CPXM2: variants seen among roughly 807,000 people sequenced by gnomAD.
The protein encoded by CPXM2 is inactive carboxypeptidase-like protein X2.
CPXM2 carries 66 observed loss-of-function variants against 86.1 expected under a neutral mutation model. The observed-to-expected ratio is 0.77, with a 90% CI of 0.63 to 0.94. The LOEUF is 0.94. Ranked by LOEUF, CPXM2 falls within the 40% of genes least tolerant of loss-of-function variation. The probability of loss-of-function intolerance (pLI) is 0.00; values close to 1 mark genes in which losing one functional copy is unlikely to be tolerated. For missense variants in CPXM2, 948 were observed against 1,026.3 expected, an observed-to-expected ratio of 0.92 and a Z score of 1.04; for synonymous variants, 388 against 400.2, an observed-to-expected ratio of 0.97 and a Z score of 0.36.
intron 3 of CPXM2, among the ~76,000 whole-genome samples, chr10:123,849,048 G>A (rs1472069002): frequency 6.6e-6 from 1 of 152,074 alleles, no homozygotes; most frequent in African/African-American, 2.4e-5. Flanking sequence ...TTTCAGTTTT[G>A]TTCTATTAAT....
chr10:123,799,199 C>A lies in CPXM2; in HGVS notation c.654G>T (p.Leu218=). 6.2e-7 allele frequency: 1 copy of A among 1,613,964 alleles called. No individual in the cohort carries two copies. Among genetic ancestry groups the A allele is most frequent in the African/African-American group, 1.3e-5 (1 of 75,026 alleles). The change falls in exon 5 of 14, where the codon CTG becomes CTT. Residue 218 remains leucine (L), a splice_region_variant and synonymous_variant. Coordinates refer to ENST00000241305, the MANE Select transcript of CPXM2 (RefSeq NM_198148.3). ...CCTTATAGGATGTCACCCAGTCACT[C>A]CTATGAGAAAATAAAACATCATTAG... ...VITQGRNSLW[L]SDWVTSYKVM...
At chr10:123,785,345 C>T (rs113007232) in intron 6 of CPXM2, among the ~76,000 whole-genome samples, 9 of 152,156 alleles carry the variant, frequency 5.9e-5, no homozygotes, top group Non-Finnish European at 1.3e-4. Context: ...ATTTCCATGG[C>T]TCTCACTGCC....
chr10:123,828,953 A>G (rs1848103538), intron 4 of CPXM2, among the ~76,000 whole-genome samples: 1 of 152,242 alleles, frequency 6.6e-6, no homozygotes, highest in South Asian at 2.1e-4. Context: ...ACTGGGAGAA[A>G]ATATTTACAA....
chr10:123,794,770 C>CGTGT (rs1564772776), intron 6 of CPXM2, among the ~76,000 whole-genome samples: 3 of 132,710 alleles, frequency 2.3e-5, no homozygotes, highest in African/African-American at 8.4e-5. Context: ...TGTGTGTGTG[C>CGTGT]GCATGTGTGT....
intron 2 of CPXM2, among the ~76,000 whole-genome samples, chr10:123,870,303 A>G (rs1428214735): frequency 6.6e-6 from 1 of 152,220 alleles, no homozygotes; most frequent in Non-Finnish European, 1.5e-5. Flanking sequence ...GTTTGGGGTC[A>G]CACCAGGAAA....
chr10:123,943,436 G>A (rs945612100), upstream of CPXM2, among the ~76,000 whole-genome samples: 1 of 152,204 alleles, frequency 6.6e-6, no homozygotes, highest in Admixed American at 6.5e-5. Context: ...CCTCAGGGGA[G>A]CCTCTGGTGC....
At chr10:123,941,107 C>T (rs375282804), upstream of CPXM2, among the ~76,000 whole-genome samples, 1 of 152,090 alleles carries the variant, frequency 6.6e-6, no homozygotes, top group Non-Finnish European at 1.5e-5. Context: ...GGAGGCGGAG[C>T]TTGCAGTGAG....
chr10:123,893,506 G>A (rs992559904), upstream of CPXM2, among the ~76,000 whole-genome samples: 2 of 152,222 alleles, frequency 1.3e-5, no homozygotes, highest in African/African-American at 4.8e-5. Flanking sequence ...GCTGCTGGTT[G>A]AGGCAGGGCC....
intron 2 of CPXM2, among the ~76,000 whole-genome samples, chr10:123,868,649 C>T (rs560421828): frequency 7.1e-4 from 108 of 152,168 alleles, no homozygotes; most frequent in Middle Eastern, 6.8e-3. Flanking sequence ...GTAATTGTCA[C>T]GGTAACTAAG....
rs1848966264 is a variant in CPXM2, at chr10:123,865,879, C to A, written c.404-3156G>T. The stretch of plus-strand genomic sequence containing the variant: ...CCTTCCTTTCCTGGGATTTTTGCTC[C>A]TGACTCCATTCATTCACAGTGGCCC... On this transcript the variant is annotated intron_variant, in intron 2 of 13. Coordinates refer to ENST00000241305, the MANE Select transcript of CPXM2 (RefSeq NM_198148.3). This position sits in a 1 kb window ranked among gnomAD's most constrained non-coding sequence, Gnocchi z 4.7. 6.6e-6 allele frequency among the ~76,000 whole-genome samples: 1 copy of A among 152,056 alleles called. No homozygotes were observed. Among genetic ancestry groups the A allele is most frequent in the South Asian group, 2.1e-4 (1 of 4,818 alleles).
Position 123,862,693 on chromosome 10 carries a change from T to G in CPXM2, c.434A>C (p.Lys145Thr), listed in dbSNP as rs529297000. Residue 145 changes from lysine to threonine, a missense_variant, in exon 3 of 14, where the codon AAA (lysine) becomes ACA (threonine). Coordinates refer to ENST00000241305, the MANE Select transcript of CPXM2 (RefSeq NM_198148.3). ...SCPPLGLETL[K>T]ITDFQLHAST... ...GGCATGGAGCTGGAAGTCTGTGATT[T>G]TTAAGGTTTCCAGACCAAGAGGTGG... 6.2e-6 allele frequency: 10 copies of G among 1,612,044 alleles called. No homozygotes were observed. The South Asian group carries it at 1.1e-4, about 18-fold the overall frequency.
Position 123,746,878 on chromosome 10 carries a change from G to C in CPXM2, c.2157C>G (p.Ser719Arg), listed in dbSNP as rs148889875. Residue 719 changes from serine to arginine, a missense_variant, in exon 14 of 14, where the codon AGC (serine) becomes AGG (arginine). Transcript: ENST00000241305. Reference sequence around the variant, plus strand: ...CTCGGATCCTGGCCATGTTGGTTTTGCTAAGTGTGAAGTCACACCTTGTGG... The same window carrying C: ...CTCGGATCCTGGCCATGTTGGTTTTCCTAAGTGTGAAGTCACACCTTGTGG... ...MGATRCDFTL[S>R]KTNMARIREI... is the part of the protein sequence containing the mutation. 227 of 1,614,126 alleles carry C rather than the reference G, an allele frequency of 1.4e-4. No individual in the cohort carries two copies. In the Middle Eastern group the frequency reaches 3.1e-3, roughly 22 times the overall value.
chr10:123,835,889 G>T (rs1848269728), intron 4 of CPXM2, among the ~76,000 whole-genome samples: 1 of 152,206 alleles, frequency 6.6e-6, no homozygotes, highest in African/African-American at 2.4e-5. Flanking sequence ...GGATCCAGTG[G>T]AAGAGAAAGG....
At chr10:123,916,191 G>T (rs1220770026) in intron 2 of CPXM2, among the ~76,000 whole-genome samples, 1 of 152,188 alleles carries the variant, frequency 6.6e-6, no homozygotes, top group Non-Finnish European at 1.5e-5. Context: ...GTTGGTCATT[G>T]GTGAGCTTGT....
At chr10:123,925,588 G>C (rs1017995107) in intron 2 of CPXM2, among the ~76,000 whole-genome samples, 5 of 152,112 alleles carry the variant, frequency 3.3e-5, no homozygotes, top group African/African-American at 1.2e-4. Flanking sequence ...CAAAATATTT[G>C]TAAGTTGCAT....
intron 2 of CPXM2, among the ~76,000 whole-genome samples, chr10:123,934,619 C>A (rs1945697880): frequency 6.6e-6 from 1 of 152,048 alleles, no homozygotes; most frequent in Non-Finnish European, 1.5e-5. Flanking sequence ...TTGGTGGGGA[C>A]CCTCTTCAAC....
chr10:123,901,429 T>TGTGTGTGTGTG (rs1945379896), intron 2 of CPXM2, among the ~76,000 whole-genome samples: 5 of 138,956 alleles, frequency 3.6e-5, no homozygotes, highest in African/African-American at 5.6e-5. Context: ...CCAAGCAAGT[T>TGTGTGTGTGTG]TGTGTGTGTG....
At chr10:123,917,834 A>AT (rs1564822140) in intron 2 of CPXM2, among the ~76,000 whole-genome samples, 1 of 152,242 alleles carries the variant, frequency 6.6e-6, no homozygotes, top group African/African-American at 2.4e-5. Context: ...ACTGTGCTAT[A>AT]TAACTTATTC....
At position 123,767,141 on chromosome 10, in the gene CPXM2, C is replaced by G. The variant is rs993826033; in HGVS notation, c.1311G>C (p.Leu437=). Residue 437 remains leucine (L), a synonymous_variant, in exon 10 of 14, where the codon CTG becomes CTC. Transcript: ENST00000241305. ...TCCAGCGTCCCAGGGACCAGCCTCCCAGCTCCGAGCCCTGGAGACAAGTGA... is the reference window on the plus strand; with the variant it reads ...TCCAGCGTCCCAGGGACCAGCCTCCGAGCTCCGAGCCCTGGAGACAAGTGA... The part of the protein sequence containing the change: ...YEKAYEGGSE[L]GGWSLGRWTH... 6.2e-7 allele frequency: 1 copy of G among 1,614,042 alleles called. No individual in the cohort carries two copies. The highest frequency in any genetic ancestry group is 8.5e-7 in the Non-Finnish European group (1 of 1,179,976).
Sources: allele counts gnomAD v4.1 joint callset (sites outside exome capture counted in the v4.1 genomes callset), GRCh38; gene constraint gnomAD v4.1.1; non-coding constraint Gnocchi (gnomAD v3.1); transcripts MANE v1.5; gene names NCBI Gene and HGNC (gene_info 2026-07-23, HGNC 2026-07-21).